HARS2: variants seen among roughly 807,000 people sequenced by gnomAD.
HARS2 encodes the protein histidine--tRNA ligase, mitochondrial.
A neutral mutation model predicts 62.4 loss-of-function variants in HARS2; 40 were observed. That is an observed-to-expected ratio of 0.64 (90% CI 0.50 to 0.83). HARS2 has a LOEUF of 0.83. HARS2 is among the 40% of genes least tolerant of loss of function. The pLI, the probability that HARS2 is intolerant of heterozygous loss-of-function variation, is 0.00. For synonymous variants in HARS2, 228 were observed against 227.0 expected, an observed-to-expected ratio of 1.00 and a Z score of -0.04; for missense variants, 569 against 626.4, an observed-to-expected ratio of 0.91 and a Z score of 0.98.
At chr5:140,693,690 C>T (rs375668466) in intron 2 of HARS2, 25 bp downstream of exon 2, 47 of 1,578,686 alleles carry the variant, frequency 3.0e-5, no homozygotes, top group Non-Finnish European at 3.8e-5. Context: ...CTACCCTATC[C>T]CATTAGAGTG....
Position 140,697,611 on chromosome 5 carries a change from G to A in HARS2, c.1240G>A (p.Val414Met). 1 of 1,614,058 alleles carries A rather than the reference G, an allele frequency of 6.2e-7. No homozygotes were observed. Among genetic ancestry groups the A allele is most frequent in the Non-Finnish European group, 8.5e-7 (1 of 1,179,946 alleles). Residue 414 changes from valine (V) to methionine (M), a missense_variant, in exon 11 of 13, where the codon GTG becomes ATG. Coordinates refer to ENST00000230771, the MANE Select transcript of HARS2 (RefSeq NM_012208.4). Reference protein sequence around the residue: ...KVRTTETQVFVATPQKNFLQE... With the variant: ...KVRTTETQVFMATPQKNFLQE... ...GCGGACTACAGAGACTCAAGTGTTT[G>A]TGGCCACACCACAGAAGAACTTTCT...
chr5:140,693,578 ATTC>A lies in HARS2; in HGVS notation c.109-8_109-6del, dbSNP rs1334490759. 6.2e-7 allele frequency: 1 copy of A among 1,613,966 alleles called. No individual in the cohort carries two copies. The highest frequency in any genetic ancestry group is 8.5e-7 in the Non-Finnish European group (1 of 1,179,964). Reference sequence around the variant, plus strand: ...TCCAGAGAAGCCACATCTCACATTCATTCTTCTGCCAGGTTGCAGAGGCAGTGT... The same window carrying A: ...TCCAGAGAAGCCACATCTCACATTCATTCTGCCAGGTTGCAGAGGCAGTGT... On this transcript the variant is annotated splice_polypyrimidine_tract_variant and intron_variant, in intron 1 of 12. Coordinates refer to ENST00000230771, the MANE Select transcript of HARS2 (RefSeq NM_012208.4).
chr5:140,693,358 A>G (rs1034243043), intron 1 of HARS2: 57 of 750,640 alleles, frequency 7.6e-5, no homozygotes, highest in Non-Finnish European at 1.1e-4. Flanking sequence ...ATCCATATAC[A>G]GTGAGGAAGC....
At position 140,697,368 on chromosome 5, in the gene HARS2, G is replaced by A. The variant is rs1410411754; in HGVS notation, c.1159G>A (p.Val387Ile). ...KVPCVGLSIGVERIFYIVEQR... is the reference protein window; with the variant it reads ...KVPCVGLSIGIERIFYIVEQR... ...GCCATGTGTGGGACTCAGCATTGGG[G>A]TTGAGCGAATCTTCTACATTGTGGA... is the stretch of plus-strand genomic sequence containing the variant. Residue 387 changes from valine to isoleucine, a missense_variant, in exon 10 of 13, where the codon GTT becomes ATT. Val to Ile is a conservative substitution (Grantham distance 29, BLOSUM62 3). Transcript: ENST00000230771. 1.2e-6 allele frequency: 2 copies of A among 1,614,082 alleles called. No individual in the cohort carries two copies. Among genetic ancestry groups the A allele is most frequent in the East Asian group, 4.5e-5 (2 of 44,880 alleles).
Position 140,695,647 on chromosome 5 carries a change from T to C in HARS2, c.525+14T>C. 6.2e-7 allele frequency: 1 copy of C among 1,614,212 alleles called. No individual in the cohort carries two copies. The highest frequency in any genetic ancestry group is 8.5e-7 in the Non-Finnish European group (1 of 1,180,026). On this transcript the variant is annotated intron_variant, in intron 5 of 12. Transcript: ENST00000230771. ...TTCTGCCAGTGTGTAAGTGACCTGATGGGAGCAGCACAGTTTGATAGTTCT... is the reference window on the plus strand; with the variant it reads ...TTCTGCCAGTGTGTAAGTGACCTGACGGGAGCAGCACAGTTTGATAGTTCT...
chr5:140,696,660 T>A, intron 8 of HARS2, 46 bp downstream of exon 8: 1 of 1,271,968 alleles, frequency 7.9e-7, no homozygotes, highest in South Asian at 1.2e-5. Context: ...AGGCTGAAGG[T>A]GACATGTGCT....
chr5:140,698,612 C>T lies in HARS2; in HGVS notation c.*60C>T, dbSNP rs2149858159. The T allele has an allele frequency of 7.7e-7, 1 of 1,304,890 alleles. No individual in the cohort carries two copies. Among genetic ancestry groups the T allele is most frequent in the Non-Finnish European group, 1.1e-6 (1 of 897,324 alleles). 80.8% of individuals were successfully genotyped at this position (1,304,890 alleles called of 1,614,324 possible). A position where few individuals can be genotyped will look rare whatever the true frequency, so the allele number is the denominator to read the frequency against. ...AAAAGGTTTCCTCTAGAACTGAATTCCTCTGGAATTGAGTGATGGACTTCA... is the reference window on the plus strand; with the variant it reads ...AAAAGGTTTCCTCTAGAACTGAATTTCTCTGGAATTGAGTGATGGACTTCA... On this transcript the variant is annotated 3_prime_UTR_variant, in exon 13 of 13. Coordinates refer to ENST00000230771, the MANE Select transcript of HARS2 (RefSeq NM_012208.4).
intron 4 of HARS2, among the ~76,000 whole-genome samples, chr5:140,695,164 A>G (rs1759693827): frequency 6.6e-6 from 1 of 152,110 alleles, no homozygotes; most frequent in Admixed American, 6.5e-5. Context: ...AGTAGCTTAG[A>G]AGTTGTTAGG....
rs987642735 is a variant in HARS2 at position 140,698,049 on chromosome 5, A to G, written c.1432A>G (p.Lys478Glu). ...GCAAGAACTGAAAGAAGGGGTCATCAAGATCCGTTCAGTGGCCAGCAGAGA... is the reference window on the plus strand; with the variant it reads ...GCAAGAACTGAAAGAAGGGGTCATCGAGATCCGTTCAGTGGCCAGCAGAGA... ...GEQELKEGVI[K>E]IRSVASREEV... Residue 478 changes from lysine (K) to glutamate (E), a missense_variant, in exon 12 of 13, where the codon AAG becomes GAG. Physicochemically the swap from Lys to Glu is moderately conservative, Grantham distance 56. Coordinates refer to ENST00000230771, the MANE Select transcript of HARS2 (RefSeq NM_012208.4). 5.0e-6 allele frequency: 8 copies of G among 1,614,116 alleles called. No individual in the cohort carries two copies. The African/African-American group carries it at 1.1e-4, about 22-fold the overall frequency.
chr5:140,696,954 C>G lies in HARS2; in HGVS notation c.838C>G (p.Leu280Val), dbSNP rs1439213535. Residue 280 changes from leucine to valine, a missense_variant, in exon 9 of 13, where the codon CTA becomes GTA. Transcript: ENST00000230771. ...TTATTTCTCTCCAGGTGGGGTATCC[C>G]TAGTAGAGCAAATGTTTCAGGATCC... is the stretch of plus-strand genomic sequence containing the variant. ...DYVQCHGGVS[L>V]VEQMFQDPRL... 9 of 1,613,046 alleles carry G rather than the reference C, an allele frequency of 5.6e-6. No individual in the cohort carries two copies. The highest frequency in any genetic ancestry group is 1.3e-5 in the African/African-American group (1 of 74,672).
At position 140,697,154 on chromosome 5, in the gene HARS2, G is replaced by T. The variant is rs190899005; in HGVS notation, c.955-10G>T. 1 of 1,614,200 alleles carries T rather than the reference G, an allele frequency of 6.2e-7. No individual in the cohort carries two copies. Among genetic ancestry groups the T allele is most frequent in the East Asian group, 2.2e-5 (1 of 44,892 alleles). ...CTAGTTTGGGACTGACTGTAATCTT[G>T]TCCCCACAGATCTCCTTTGACCTCA... On this transcript the variant is annotated splice_polypyrimidine_tract_variant and intron_variant, in intron 9 of 12. Transcript: ENST00000230771.
At chr5:140,697,112 C>T (rs1186676110) in intron 9 of HARS2, 42 bp downstream of exon 9, 14 of 1,614,052 alleles carry the variant, frequency 8.7e-6, no homozygotes, top group Non-Finnish European at 1.2e-5. Context: ...AGCTCTAGGG[C>T]TCTCAGGGTC....
rs778165592 is a variant in HARS2, at chr5:140,693,992, G to GTTCT, written c.243_244insCTTT (p.Ile82LeufsTer6). On this transcript the variant is annotated frameshift_variant, in exon 3 of 13. Transcript: ENST00000230771. LOFTEE classifies it high-confidence loss of function. ...TGTGAGGGAGAAAATTCTTGATTTG[G>GTTCT]TTATCAGCTGCTTTAAACGTCATGG... 9 of 1,613,958 alleles carry GTTCT rather than the reference G, an allele frequency of 5.6e-6. No homozygotes were observed. The African/African-American group carries it at 1.1e-4, about 19-fold the overall frequency.
rs1380004436 is a variant in HARS2 at position 140,691,644 on chromosome 5, G to GC, written c.-4dup. On this transcript the variant is annotated 5_prime_UTR_variant, in exon 1 of 13. Transcript: ENST00000230771. ...TGTCCCGGAAAGCCGGCGTCCTGCCGCGCGATGCCCCTGCTCGGACTTCTT... is the reference window on the plus strand; with the variant it reads ...TGTCCCGGAAAGCCGGCGTCCTGCCGCCGCGATGCCCCTGCTCGGACTTCTT... 6.5e-7 allele frequency: 1 copy of GC among 1,544,790 alleles called. No homozygotes were observed. The highest frequency in any genetic ancestry group is 2.0e-5 in the Admixed American group (1 of 51,012).
In HARS2 at chr5:140,695,490, T is replaced by A; in HGVS notation, c.400-18T>A. ...TCTTTGGATGCAGTATCCCTCTTCC[T>A]TAACCCATTTATGTGAGGTTCCCTT... is the stretch of plus-strand genomic sequence containing the variant. On this transcript the variant is annotated intron_variant, in intron 4 of 12. Transcript: ENST00000230771. 1 of 1,613,986 alleles carries A rather than the reference T, an allele frequency of 6.2e-7. No homozygotes were observed. Among genetic ancestry groups the A allele is most frequent in the Non-Finnish European group, 8.5e-7 (1 of 1,179,950 alleles).
Position 140,695,541 on chromosome 5 carries a change from G to A in HARS2, c.433G>A (p.Val145Met). 6.2e-7 allele frequency: 1 copy of A among 1,614,148 alleles called. No individual in the cohort carries two copies. Among genetic ancestry groups the A allele is most frequent in the Non-Finnish European group, 8.5e-7 (1 of 1,180,016 alleles). The change falls in exon 5 of 13, where the codon GTG becomes ATG. Residue 145 changes from valine (V) to methionine (M), a missense_variant. Transcript: ENST00000230771. ...PFARYLAMNK[V>M]KKMKRYHVGK... is the part of the protein sequence containing the mutation. Reference sequence around the variant, plus strand: ...TGCTCGTTATCTGGCCATGAATAAGGTGAAGAAGATGAAACGTTATCATGT... The same window carrying A: ...TGCTCGTTATCTGGCCATGAATAAGATGAAGAAGATGAAACGTTATCATGT...
chr5:140,697,221 G>A lies in HARS2; in HGVS notation c.1012G>A (p.Glu338Lys), dbSNP rs967780188. The A allele has an allele frequency of 9.9e-6, 16 of 1,614,044 alleles. No individual in the cohort carries two copies. The African/African-American group carries it at 1.5e-4, about 15-fold the overall frequency. ...AGACTACTATACAGGAGTGATCTAT[G>A]AAGCAGTGCTGCTGCAGACCCCAAC... ...GLDYYTGVIY[E>K]AVLLQTPTQA... The change falls in exon 10 of 13, where the codon GAA (glutamate) becomes AAA (lysine). Residue 338 changes from glutamate to lysine, a missense_variant. Physicochemically the swap from Glu to Lys is moderately conservative, Grantham distance 56. Transcript: ENST00000230771.
rs761232094 is a variant in HARS2 at position 140,697,346 on chromosome 5, A to C, written c.1137A>C (p.Pro379=). Reference sequence around the variant, plus strand: ...TTGACCCCAAGGGCCACAAGGTGCCATGTGTGGGACTCAGCATTGGGGTTG... The same window carrying C: ...TTGACCCCAAGGGCCACAAGGTGCCCTGTGTGGGACTCAGCATTGGGGTTG... The part of the protein sequence containing the change: ...GMFDPKGHKV[P]CVGLSIGVER... The change falls in exon 10 of 13, where the codon CCA becomes CCC. Residue 379 remains proline (P), a synonymous_variant. Coordinates refer to ENST00000230771, the MANE Select transcript of HARS2 (RefSeq NM_012208.4). 7 of 1,614,018 alleles carry C rather than the reference A, an allele frequency of 4.3e-6. No individual in the cohort carries two copies. The South Asian group carries it at 7.7e-5, about 18-fold the overall frequency.
chr5:140,692,823 G>A (rs902782977), intron 1 of HARS2, among the ~76,000 whole-genome samples: 3 of 151,850 alleles, frequency 2.0e-5, no homozygotes, highest in Admixed American at 6.6e-5. Context: ...AACCCGGGAG[G>A]CGGAGGTTGC....
Sources: gnomAD v4.1 joint callset for allele counts (sites outside exome capture counted in the v4.1 genomes callset) on GRCh38, gnomAD v4.1.1 for gene constraint, MANE v1.5 for transcripts, NCBI Gene and HGNC (gene_info 2026-07-23, HGNC 2026-07-21) for gene names.